The following ASPH variants were observed in gnomAD, a reference collection of about 807,000 sequenced individuals.
The protein encoded by ASPH is aspartyl/asparaginyl beta-hydroxylase.
Under a neutral mutation model 118.4 loss-of-function variants are expected in ASPH, and 100 were observed. That is an observed-to-expected ratio of 0.84 (90% CI 0.72 to 1.00). ASPH has a LOEUF of 1.00. Among genes scored for constraint, ASPH ranks in the 50% least tolerant of loss-of-function variants. The pLI, the probability that ASPH is intolerant of heterozygous loss-of-function variation, is 0.00. For missense variants in ASPH, 920 were observed against 919.5 expected, an observed-to-expected ratio of 1.00 and a Z score of -0.01; for synonymous variants, 315 against 325.6, an observed-to-expected ratio of 0.97 and a Z score of 0.35.
intron 22 of ASPH, among the ~76,000 whole-genome samples, chr8:61,520,167 G>A (rs1458088784): frequency 6.6e-6 from 1 of 152,194 alleles, no homozygotes; most frequent in Non-Finnish European, 1.5e-5. Flanking sequence ...ACTGTCAAGA[G>A]CACAGATTCT....
At chr8:61,576,901 G>T in intron 15 of ASPH, 43 bp from the exon 16 acceptor site, 2 of 1,477,756 alleles carry the variant, frequency 1.4e-6, no homozygotes, top group South Asian at 2.5e-5. Flanking sequence ...AAATTAAAAT[G>T]AATAATCAAT....
Position 61,528,783 on chromosome 8 carries a change from GTAA to G in ASPH, c.1765-2674_1765-2672del, listed in dbSNP as rs140877559. Among the ~76,000 whole-genome samples the G allele has an allele frequency of 2.0e-5, 3 of 152,286 alleles. No individual in the cohort carries two copies. The East Asian group carries it at 5.8e-4, about 29-fold the overall frequency. ...GTTGCCAAGGTACTTTTCGTGAATA[GTAA>G]TAATTTTTTAAGAAATGTTTTGGCT... is the stretch of plus-strand genomic sequence containing the variant. On this transcript the variant is annotated intron_variant, in intron 21 of 24. Transcript: ENST00000379454.
At chr8:61,580,754 C>T (rs946578844) in intron 15 of ASPH, among the ~76,000 whole-genome samples, 7 of 152,146 alleles carry the variant, frequency 4.6e-5, no homozygotes, top group African/African-American at 1.4e-4. Flanking sequence ...TTTATTTTGT[C>T]GGCATCAAAT....
intron 24 of ASPH, among the ~76,000 whole-genome samples, chr8:61,504,433 T>C (rs1054713540): frequency 1.3e-5 from 2 of 152,184 alleles, no homozygotes; most frequent in African/African-American, 4.8e-5. Flanking sequence ...GCATGGGAAA[T>C]GCTAGCTTGA....
In ASPH at chr8:61,500,852, T is replaced by G. The variant is rs1417936910; in HGVS notation, c.*2507A>C. 1 of 152,210 alleles carries G rather than the reference T, an allele frequency of 6.6e-6. No individual in the cohort carries two copies. Among genetic ancestry groups the G allele is most frequent in the Non-Finnish European group, 1.5e-5 (1 of 68,038 alleles). The allele number at this position is 152,210 out of a possible 1,614,324, so 9.4% of individuals were successfully genotyped here. A position where few individuals can be genotyped will look rare whatever the true frequency, so the allele number is the denominator to read the frequency against. ...TATTTTAAATATTTGGGAGAGTTAATTTGTTAGCTAAATAATTCAAGGGAA... is the reference window on the plus strand; with the variant it reads ...TATTTTAAATATTTGGGAGAGTTAAGTTGTTAGCTAAATAATTCAAGGGAA... On this transcript the variant is annotated 3_prime_UTR_variant, in exon 25 of 25. Coordinates refer to ENST00000379454, the MANE Select transcript of ASPH (RefSeq NM_004318.4).
chr8:61,623,435 CTCAT>C (rs1220698292), intron 13 of ASPH, among the ~76,000 whole-genome samples: 1 of 152,094 alleles, frequency 6.6e-6, no homozygotes, highest in Non-Finnish European at 1.5e-5. Flanking sequence ...CTTATATATT[CTCAT>C]TATTAATCCC....
At chr8:61,559,006 C>G (rs900338339) in intron 18 of ASPH, among the ~76,000 whole-genome samples, 4 of 152,108 alleles carry the variant, frequency 2.6e-5, no homozygotes, top group Non-Finnish European at 5.9e-5. Flanking sequence ...AATATATTTT[C>G]TCTTCCTTAT....
At chr8:61,624,600 A>C in intron 13 of ASPH, 3 of 985,232 alleles carry the variant, frequency 3.0e-6, no homozygotes, top group Non-Finnish European at 3.6e-6. Flanking sequence ...TATTTTTAGA[A>C]AATCCACCGA....
chr8:61,525,360 A>G (rs1271936491), intron 22 of ASPH, among the ~76,000 whole-genome samples: 7 of 145,100 alleles, frequency 4.8e-5, no homozygotes, highest in East Asian at 2.4e-4. Flanking sequence ...ACACACGCAC[A>G]CACACACACA....
chr8:61,617,016 T>C (rs1175051695), intron 14 of ASPH, among the ~76,000 whole-genome samples: 2 of 152,212 alleles, frequency 1.3e-5, no homozygotes, highest in African/African-American at 4.8e-5. Flanking sequence ...TTTAGACTTG[T>C]TAAGTTTGAA....
chr8:61,523,703 A>C (rs543429961), intron 22 of ASPH, among the ~76,000 whole-genome samples: 55 of 152,212 alleles, frequency 3.6e-4, no homozygotes, highest in Admixed American at 1.0e-3. Flanking sequence ...CAAACCAAAG[A>C]CCATAAAGAA....
intron 4 of ASPH, 106 bp downstream of exon 4, chr8:61,653,462 G>T: frequency 9.5e-7 from 1 of 1,050,024 alleles, no homozygotes; most frequent in Non-Finnish European, 1.4e-6. Context: ...TAATTATTCT[G>T]TAAATGATGT....
At chr8:61,512,245 G>A (rs899023980) in intron 24 of ASPH, among the ~76,000 whole-genome samples, 1 of 152,118 alleles carries the variant, frequency 6.6e-6, no homozygotes, top group Non-Finnish European at 1.5e-5. Context: ...TGGAACCTGA[G>A]ACTATCACCT....
chr8:61,656,008 T>A (rs1168286223), intron 3 of ASPH: 1 of 152,208 alleles, frequency 6.6e-6, no homozygotes, highest in Non-Finnish European at 1.5e-5. Flanking sequence ...AGATTTTATT[T>A]CAGTGTTTCC....
In ASPH at chr8:61,642,978, T is replaced by C; in HGVS notation, c.758-58A>G. The C allele has an allele frequency of 6.9e-6, 10 of 1,450,584 alleles. No individual in the cohort carries two copies. The Admixed American group carries it at 7.6e-5, about 11-fold the overall frequency. 89.9% of individuals were successfully genotyped at this position (1,450,584 alleles called of 1,614,324 possible). On this transcript the variant is annotated intron_variant, in intron 9 of 24. Transcript: ENST00000379454. The stretch of plus-strand genomic sequence containing the variant: ...GTATTAACTGAGTCATTCTATACAA[T>C]TGTTCAGTTAAAACAAAATACTACT...
At chr8:61,588,214 C>T (rs1840034476) in intron 14 of ASPH, among the ~76,000 whole-genome samples, 1 of 151,960 alleles carries the variant, frequency 6.6e-6, no homozygotes, top group African/African-American at 2.4e-5. Context: ...GTGTTTGGCC[C>T]TTTTTCAAAA....
At chr8:61,610,595 A>G (rs991899051) in intron 14 of ASPH, among the ~76,000 whole-genome samples, 17 of 152,232 alleles carry the variant, frequency 1.1e-4, no homozygotes, top group Non-Finnish European at 2.9e-5. Flanking sequence ...CTTTAAGAGC[A>G]GTTATCTCAT....
chr8:61,680,153 A>G (rs371846849), intron 3 of ASPH, among the ~76,000 whole-genome samples: 4 of 151,906 alleles, frequency 2.6e-5, no homozygotes, highest in African/African-American at 7.2e-5. Flanking sequence ...ATGTTAACTA[A>G]GAAGAATTTG....
At chr8:61,627,218 T>C (rs2350586) in intron 13 of ASPH, among the ~76,000 whole-genome samples, 125,424 of 152,184 alleles carry the variant, frequency 0.82, 51,780 homozygotes, top group Middle Eastern at 0.85. Flanking sequence ...ACTCATTGTG[T>C]CCATTAACAG....
Sources: allele counts gnomAD v4.1 joint callset (sites outside exome capture counted in the v4.1 genomes callset), GRCh38; gene constraint gnomAD v4.1.1; transcripts MANE v1.5; gene names NCBI Gene and HGNC (gene_info 2026-07-23, HGNC 2026-07-21).